Variants in SMG1 observed in about 807,000 individuals in gnomAD.
The protein encoded by SMG1 is SMG1 nonsense mediated mRNA decay associated PI3K related kinase.
SMG1 carries 22 observed loss-of-function variants against 419.9 expected under a neutral mutation model. The ratio of observed to expected loss-of-function variants is 0.05; its 90% CI spans 0.04 to 0.07. The LOEUF is 0.07. SMG1 is among the 10% of genes least tolerant of loss of function. SMG1 has a pLI of 1.00. For synonymous variants in SMG1, 1,538 were observed against 1,553.5 expected (o/e 0.99, Z 0.23); for missense variants, 3,185 against 4,342.0 (o/e 0.73, Z 7.49).
intron 33 of SMG1, 118 bp from the exon 34 acceptor site, chr16:18,850,585 A>G: frequency 7.6e-6 from 5 of 659,588 alleles, no homozygotes; most frequent in Non-Finnish European, 1.3e-5. Context: ...ATTATCCCAC[A>G]TTTAGTGTTA....
At chr16:18,870,310 A>T (rs2035747162) in intron 18 of SMG1, among the ~76,000 whole-genome samples, 1 of 152,252 alleles carries the variant, frequency 6.6e-6, no homozygotes, top group South Asian at 2.1e-4. Flanking sequence ...ACTTGATCAA[A>T]AACAATAAAA....
chr16:18,907,272 C>T (rs1198151597), intron 1 of SMG1, among the ~76,000 whole-genome samples: 2 of 151,558 alleles, frequency 1.3e-5, no homozygotes, highest in Non-Finnish European at 1.5e-5. Context: ...ACGAGAGAAA[C>T]TCCATCTCAA....
chr16:18,845,840 A>G (rs2034230672), intron 38 of SMG1, among the ~76,000 whole-genome samples, 189 bp from the exon 39 acceptor site: 1 of 152,004 alleles, frequency 6.6e-6, no homozygotes, highest in South Asian at 2.1e-4. Flanking sequence ...TTTTGGAGAC[A>G]GAGTTTTGCT....
intron 38 of SMG1, among the ~76,000 whole-genome samples, chr16:18,847,124 A>T (rs956778900): frequency 2.6e-5 from 4 of 152,228 alleles, no homozygotes; most frequent in African/African-American, 9.6e-5. Context: ...AAAGCCAAAC[A>T]CAAAAAGATG....
chr16:18,877,604 T>C (rs539574040), intron 11 of SMG1: 7 of 163,728 alleles, frequency 4.3e-5, no homozygotes, highest in Non-Finnish European at 9.5e-5. Context: ...TTAATAATAA[T>C]ATATCCATAT....
chr16:18,918,521 TG>T (rs1258473074), intron 1 of SMG1, among the ~76,000 whole-genome samples: 1 of 152,140 alleles, frequency 6.6e-6, no homozygotes. Flanking sequence ...CATACTTAAC[TG>T]TATAGCTTTC....
At position 18,849,966 on chromosome 16, in the gene SMG1, G is replaced by C; in HGVS notation, c.5444C>G (p.Pro1815Arg). The change falls in exon 35 of 63, where the codon CCC becomes CGC. Residue 1815 changes from proline to arginine, a missense_variant. Pro to Arg is a moderately radical substitution (Grantham distance 103). Around this residue, in one of 27 missense-constraint regions of SMG1, gnomAD observed 493 missense variants for 552.9 expected, o/e 0.89. Coordinates refer to ENST00000446231, the MANE Select transcript of SMG1 (RefSeq NM_015092.5). ...GGTCTCACCTCTCCATGGTGCAGTG[G>C]GTGTTGTCTCCAAGCCGTGCTCCAG... The part of the protein sequence containing the change: ...QYLEHGLETT[P>R]TAPWRGIIPQ... The C allele has an allele frequency of 1.2e-6, 2 of 1,613,930 alleles. No homozygotes were observed. Among genetic ancestry groups the C allele is most frequent in the Non-Finnish European group, 1.7e-6 (2 of 1,179,860 alleles).
chr16:18,834,447 G>C lies in SMG1; in HGVS notation c.8331-9C>G, dbSNP rs369269151. On this transcript the variant is annotated splice_polypyrimidine_tract_variant and intron_variant, in intron 49 of 62. Transcript: ENST00000446231. The stretch of plus-strand genomic sequence containing the variant: ...CCATCATCAGGTTACGCCTACAAGA[G>C]ATAAATATCTGTACAGTGAAACTTA... 6.2e-7 allele frequency: 1 copy of C among 1,609,508 alleles called. No homozygotes were observed. Among genetic ancestry groups the C allele is most frequent in the Non-Finnish European group, 8.5e-7 (1 of 1,177,396 alleles).
intron 50 of SMG1, 120 bp from the exon 51 acceptor site, chr16:18,833,286 T>C (rs1199406110): frequency 3.9e-5 from 24 of 622,186 alleles, no homozygotes; most frequent in Admixed American, 1.3e-4. Flanking sequence ...AACTCATTCA[T>C]GTAAGTACAT....
rs751569431 is a variant in SMG1, at chr16:18,845,410, G to A, written c.6219+19C>T. On this transcript the variant is annotated intron_variant, in intron 39 of 62. Transcript: ENST00000446231. ...CTGTGATGTGCCATTTCAGTAGCAT[G>A]CTTGGGATTATTCTGTACCTCTTTA... 1.3e-6 allele frequency: 2 copies of A among 1,599,908 alleles called. No individual in the cohort carries two copies. Among genetic ancestry groups the A allele is most frequent in the Non-Finnish European group, 8.6e-7 (1 of 1,168,602 alleles).
At chr16:18,893,261 C>T (rs2036964164) in intron 3 of SMG1, among the ~76,000 whole-genome samples, 1 of 152,180 alleles carries the variant, frequency 6.6e-6, no homozygotes, top group African/African-American at 2.4e-5. Flanking sequence ...CTTTTCTCCC[C>T]TTATTTTTTA....
chr16:18,860,152 A>G (rs1215832325), intron 26 of SMG1, among the ~76,000 whole-genome samples: 1 of 152,228 alleles, frequency 6.6e-6, no homozygotes, highest in African/African-American at 2.4e-5. Flanking sequence ...CAGAGGGCAG[A>G]GGCTGCAGTG....
Position 18,852,444 on chromosome 16 carries a change from TCTCCAA to T in SMG1, c.4781_4786del (p.Val1594_Gly1595del). The T allele has an allele frequency of 6.3e-7, 1 of 1,592,188 alleles. No homozygotes were observed. Among genetic ancestry groups the T allele is most frequent in the Non-Finnish European group, 8.6e-7 (1 of 1,169,522 alleles). On this transcript the variant is annotated inframe_deletion, in exon 32 of 63. Coordinates refer to ENST00000446231, the MANE Select transcript of SMG1 (RefSeq NM_015092.5). Reference sequence around the variant, plus strand: ...CAACTGTCCCAAAATGAAGTCAGGTTCTCCAACTCCAATATGCACTGCCAAAATGGA... The same window carrying T: ...CAACTGTCCCAAAATGAAGTCAGGTTCTCCAATATGCACTGCCAAAATGGA...
intron 55 of SMG1, among the ~76,000 whole-genome samples, chr16:18,820,127 G>T (rs2032388152): frequency 6.6e-6 from 1 of 152,094 alleles, no homozygotes; most frequent in South Asian, 2.1e-4. Flanking sequence ...CATCGTGCCT[G>T]GCTAATTTTT....
At chr16:18,873,712 T>C (rs1035846247) in intron 13 of SMG1, among the ~76,000 whole-genome samples, 1 of 152,232 alleles carries the variant, frequency 6.6e-6, no homozygotes, top group African/African-American at 2.4e-5. Flanking sequence ...TTTGCGGAAG[T>C]AGACTGTATT....
chr16:18,887,152 T>C (rs187298474), intron 6 of SMG1, among the ~76,000 whole-genome samples: 5 of 152,314 alleles, frequency 3.3e-5, no homozygotes, highest in East Asian at 3.9e-4. Context: ...ATGAAATTAT[T>C]ATCATATTTA....
intron 12 of SMG1, among the ~76,000 whole-genome samples, chr16:18,876,844 T>C (rs1277652730): frequency 6.6e-6 from 1 of 151,998 alleles, no homozygotes; most frequent in Non-Finnish European, 1.5e-5. Context: ...TATAAATGTG[T>C]CAACTTGTTT....
intron 5 of SMG1, among the ~76,000 whole-genome samples, chr16:18,890,337 A>T (rs776913768): frequency 2.1e-4 from 32 of 152,200 alleles, no homozygotes; most frequent in Non-Finnish European, 3.2e-4. Flanking sequence ...CTAGCAAATT[A>T]AAAAAAATAA....
At chr16:18,834,762 T>G in intron 49 of SMG1, 130 bp downstream of exon 49, 4 of 1,032,736 alleles carry the variant, frequency 3.9e-6, no homozygotes, top group Non-Finnish European at 5.7e-6. Flanking sequence ...ACAACCAAGA[T>G]AACTAAAATC....
Sources: gnomAD v4.1 joint callset for allele counts (sites outside exome capture counted in the v4.1 genomes callset) on GRCh38, gnomAD v4.1.1 for gene constraint, gnomAD v4.1.1 regional missense constraint, MANE v1.5 for transcripts, NCBI Gene and HGNC (gene_info 2026-07-23, HGNC 2026-07-21) for gene names.